Variants in CNTNAP2 observed in about 807,000 individuals in gnomAD.
CNTNAP2 encodes the protein contactin associated protein 2.
A neutral mutation model predicts 155.2 loss-of-function variants in CNTNAP2; 98 were observed. The observed-to-expected ratio is 0.63, with a 90% CI of 0.54 to 0.75. The LOEUF (loss-of-function observed/expected upper bound fraction) is 0.75, where lower values mean the gene tolerates loss of function less well. CNTNAP2 is among the 30% of genes least tolerant of loss of function. The probability of loss-of-function intolerance (pLI) is 0.00; values close to 1 mark genes in which losing one functional copy is unlikely to be tolerated. For missense variants in CNTNAP2, 1,727 were observed against 1,688.1 expected, an observed-to-expected ratio of 1.02 and a Z score of -0.40; for synonymous variants, 651 against 631.2, an observed-to-expected ratio of 1.03 and a Z score of -0.47.
chr7:147,154,634 TACC>T (rs958384384), intron 8 of CNTNAP2, among the ~76,000 whole-genome samples: 1 of 152,144 alleles, frequency 6.6e-6, no homozygotes, highest in African/African-American at 2.4e-5. Flanking sequence ...CAGCTGTCAT[TACC>T]ACTTCTCACA....
chr7:147,686,546 C>A (rs1182239104), intron 13 of CNTNAP2, among the ~76,000 whole-genome samples: 1 of 151,644 alleles, frequency 6.6e-6, no homozygotes, highest in Non-Finnish European at 1.5e-5. Flanking sequence ...ATTAAAATCA[C>A]CAAGAGAGTA....
intron 1 of CNTNAP2, among the ~76,000 whole-genome samples, chr7:146,598,949 A>C (rs1299017499): frequency 2.6e-5 from 4 of 152,070 alleles, no homozygotes; most frequent in Non-Finnish European, 5.9e-5. Context: ...CCAATTCCCC[A>C]AAAGCCTCTT....
intron 21 of CNTNAP2, among the ~76,000 whole-genome samples, chr7:148,343,970 A>G (rs1798277511): frequency 6.6e-6 from 1 of 152,222 alleles, no homozygotes; most frequent in Admixed American, 6.5e-5. Context: ...TATGCCAGCA[A>G]CTGCATGTAG....
intron 1 of CNTNAP2, among the ~76,000 whole-genome samples, chr7:146,356,409 C>T (rs928778216): frequency 1.3e-5 from 2 of 152,088 alleles, no homozygotes; most frequent in African/African-American, 2.4e-5. Context: ...AAGGTTTAAC[C>T]GAACATAGCC....
rs1288390672 is a variant in CNTNAP2 at position 148,418,349 on chromosome 7, C to G, written c.*2733C>G. 1 of 152,234 alleles carries G rather than the reference C, an allele frequency of 6.6e-6. No individual in the cohort carries two copies. Among genetic ancestry groups the G allele is most frequent in the Non-Finnish European group, 1.5e-5 (1 of 68,058 alleles). The allele number at this position is 152,234 out of a possible 1,614,324, so 9.4% of individuals were successfully genotyped here. A position where few individuals can be genotyped will look rare whatever the true frequency, so the allele number is the denominator to read the frequency against. Reference sequence around the variant, plus strand: ...TAATCCTGCTTTGTCATTCACATCTCACAAAATCTTGACATCTTACATTCC... The same window carrying G: ...TAATCCTGCTTTGTCATTCACATCTGACAAAATCTTGACATCTTACATTCC... On this transcript the variant is annotated 3_prime_UTR_variant, in exon 24 of 24. Transcript: ENST00000361727.
At chr7:147,071,948 T>C (rs7777531) in intron 4 of CNTNAP2, among the ~76,000 whole-genome samples, 91,789 of 152,024 alleles carry the variant, frequency 0.6, 29,034 homozygotes, top group East Asian at 0.74. Context: ...ATGATGAAAA[T>C]AAAAACCAGT....
chr7:147,847,932 C>G lies in CNTNAP2; in HGVS notation c.2099-55633C>G, dbSNP rs953235398. Among the ~76,000 whole-genome samples the G allele has an allele frequency of 8.4e-5, 11 of 130,654 alleles. 1 individual carries two copies. Among genetic ancestry groups the G allele is most frequent in the Non-Finnish European group, 1.5e-4 (9 of 60,524 alleles). 85.7% of individuals were successfully genotyped at this position (130,654 alleles called of 152,430 possible). A position where few individuals can be genotyped will look rare whatever the true frequency, so the allele number is the denominator to read the frequency against. ...TCGGGGGTCAGGGGTCAGGGACCCA[C>G]TTGAGGAGGCAGTCTGCCCGTTCTC... On this transcript the variant is annotated intron_variant, in intron 13 of 23. Coordinates refer to ENST00000361727, the MANE Select transcript of CNTNAP2 (RefSeq NM_014141.6).
intron 21 of CNTNAP2, among the ~76,000 whole-genome samples, chr7:148,325,529 T>C (rs914406499): frequency 6.6e-6 from 1 of 152,206 alleles, no homozygotes; most frequent in Admixed American, 6.5e-5. Context: ...TCAGTTCCAA[T>C]AGAAAACCAT....
intron 1 of CNTNAP2, among the ~76,000 whole-genome samples, chr7:146,645,561 A>T (rs554103532): frequency 6.6e-6 from 1 of 152,134 alleles, no homozygotes; most frequent in Non-Finnish European, 1.5e-5. Context: ...GGAAGTGAGG[A>T]GGTATCTTGT....
chr7:147,147,786 T>G (rs564203177), intron 8 of CNTNAP2, among the ~76,000 whole-genome samples: 1 of 152,258 alleles, frequency 6.6e-6, no homozygotes, highest in African/African-American at 2.4e-5. Flanking sequence ...TTCCTCTACC[T>G]TTACTAACTT....
At chr7:147,868,013 TGGA>T (rs1208812888) in intron 13 of CNTNAP2, among the ~76,000 whole-genome samples, 2 of 152,152 alleles carry the variant, frequency 1.3e-5, no homozygotes, top group Non-Finnish European at 2.9e-5. Context: ...TGCAATCTTT[TGGA>T]GGAGAAGAGG....
chr7:147,551,741 G>GA (rs768497228), intron 11 of CNTNAP2, among the ~76,000 whole-genome samples: 1 of 151,922 alleles, frequency 6.6e-6, no homozygotes, highest in Non-Finnish European at 1.5e-5. Context: ...GTTTCGGTTT[G>GA]AAAAAAGACT....
chr7:147,711,255 T>A (rs866000270), intron 13 of CNTNAP2, among the ~76,000 whole-genome samples: 1 of 152,166 alleles, frequency 6.6e-6, no homozygotes, highest in Non-Finnish European at 1.5e-5. Flanking sequence ...CGGAGTCTTA[T>A]ACTGAATTTG....
chr7:146,690,346 C>T (rs971735502), intron 1 of CNTNAP2, among the ~76,000 whole-genome samples: 11 of 152,090 alleles, frequency 7.2e-5, no homozygotes, highest in Non-Finnish European at 2.9e-5. Context: ...TTGGTCACTG[C>T]ACATGTATAA....
intron 1 of CNTNAP2, among the ~76,000 whole-genome samples, chr7:146,248,310 G>A (rs944150607): frequency 7.2e-5 from 11 of 152,040 alleles, no homozygotes; most frequent in African/African-American, 2.4e-4. Context: ...GAGAAGACAC[G>A]GAGAGAAGGG....
chr7:147,760,943 T>C (rs1030791646), intron 13 of CNTNAP2, among the ~76,000 whole-genome samples: 4 of 152,202 alleles, frequency 2.6e-5, no homozygotes, highest in African/African-American at 9.7e-5. Context: ...AACTGGGCTT[T>C]TTATAGCAGT....
intron 1 of CNTNAP2, among the ~76,000 whole-genome samples, chr7:146,180,482 A>T (rs947991851): frequency 6.6e-6 from 1 of 152,062 alleles, no homozygotes; most frequent in African/African-American, 2.4e-5. Flanking sequence ...GTTTCATTTA[A>T]AAGTCGATAA....
chr7:147,743,182 A>G (rs918730433), intron 13 of CNTNAP2, among the ~76,000 whole-genome samples: 1 of 152,244 alleles, frequency 6.6e-6, no homozygotes, highest in Non-Finnish European at 1.5e-5. Context: ...GCCAGCCCCT[A>G]GTAGCTCCTC....
At chr7:147,272,362 G>T (rs34926110) in intron 8 of CNTNAP2, among the ~76,000 whole-genome samples, 29 of 150,226 alleles carry the variant, frequency 1.9e-4, no homozygotes, top group African/African-American at 6.6e-4. Context: ...GCATGTATAC[G>T]TATTTTTCAC....
Sources: gnomAD v4.1 joint callset for allele counts (sites outside exome capture counted in the v4.1 genomes callset) on GRCh38, gnomAD v4.1.1 for gene constraint, MANE v1.5 for transcripts, NCBI Gene and HGNC (gene_info 2026-07-23, HGNC 2026-07-21) for gene names.